TMEM178B: variants seen among roughly 807,000 people sequenced by gnomAD.
TMEM178B encodes the protein transmembrane protein 178B.
TMEM178B carries 5 observed loss-of-function variants against 31.0 expected under a neutral mutation model. The observed-to-expected ratio is 0.16, with a 90% CI of 0.08 to 0.34. The LOEUF (loss-of-function observed/expected upper bound fraction) is 0.34, where lower values mean the gene tolerates loss of function less well. Among genes scored for constraint, TMEM178B ranks in the 10% least tolerant of loss-of-function variants. The probability of loss-of-function intolerance (pLI) is 1.00; values close to 1 mark genes in which losing one functional copy is unlikely to be tolerated. For synonymous variants in TMEM178B, 164 were observed against 164.0 expected (o/e 1.00, Z 0.00); for missense variants, 275 against 400.3 (o/e 0.69, Z 2.67).
intron 2 of TMEM178B, among the ~76,000 whole-genome samples, chr7:141,429,485 A>G (rs575620127): frequency 6.6e-6 from 1 of 152,228 alleles, no homozygotes; most frequent in African/African-American, 2.4e-5. Context: ...GAATCTAAAA[A>G]GTTGATCACA....
intron 2 of TMEM178B, among the ~76,000 whole-genome samples, chr7:141,232,700 C>T (rs766079866): frequency 5.3e-5 from 8 of 152,212 alleles, no homozygotes; most frequent in Non-Finnish European, 1.0e-4. Context: ...AGCTTCCTTA[C>T]TTCCTCTTTC....
At chr7:141,426,909 C>T (rs1312009075) in intron 2 of TMEM178B, among the ~76,000 whole-genome samples, 1 of 151,972 alleles carries the variant, frequency 6.6e-6, no homozygotes, top group African/African-American at 2.4e-5. Flanking sequence ...AAACCAGTAG[C>T]ATTTCTATAC....
chr7:141,093,926 G>A (rs1015176966), intron 1 of TMEM178B, among the ~76,000 whole-genome samples: 1 of 152,000 alleles, frequency 6.6e-6, no homozygotes, highest in African/African-American at 2.4e-5. Flanking sequence ...AATTGGAGAC[G>A]GTGAGCAAAG....
chr7:141,279,470 CTG>C (rs910040020), intron 2 of TMEM178B, among the ~76,000 whole-genome samples: 1 of 152,174 alleles, frequency 6.6e-6, no homozygotes, highest in Non-Finnish European at 1.5e-5. Context: ...TTGGGAAACA[CTG>C]TGTGATTTTC....
chr7:141,242,470 TTGTG>T (rs1217101167), intron 2 of TMEM178B, among the ~76,000 whole-genome samples: 5 of 111,240 alleles, frequency 4.5e-5, no homozygotes, highest in Non-Finnish European at 8.5e-5. Flanking sequence ...TTTTCACACT[TTGTG>T]TGAGTGTGTG....
At chr7:141,217,276 AG>A (rs1177576650) in intron 2 of TMEM178B, among the ~76,000 whole-genome samples, 1 of 152,174 alleles carries the variant, frequency 6.6e-6, no homozygotes, top group Non-Finnish European at 1.5e-5. Flanking sequence ...TTGCCCTTTC[AG>A]CACAGGTGGG....
intron 2 of TMEM178B, among the ~76,000 whole-genome samples, chr7:141,371,659 A>C (rs1026297311): frequency 6.6e-6 from 1 of 152,216 alleles, no homozygotes; most frequent in Non-Finnish European, 1.5e-5. Context: ...TGAGAACAGA[A>C]TGCATGACAC....
At chr7:141,468,714 A>C (rs1212805624) in intron 3 of TMEM178B, among the ~76,000 whole-genome samples, 1 of 152,136 alleles carries the variant, frequency 6.6e-6, no homozygotes. Context: ...TCGAGGACAC[A>C]GACACACAAG....
the TMEM178B span, among the ~76,000 whole-genome samples, chr7:141,506,299 C>G: frequency 6.6e-6 from 1 of 152,222 alleles, no homozygotes; most frequent in Non-Finnish European, 1.5e-5. Flanking sequence ...TGCAAAGCAT[C>G]TGCATTATTT....
intron 3 of TMEM178B, among the ~76,000 whole-genome samples, chr7:141,447,051 T>C (rs879640348): frequency 5.9e-5 from 9 of 152,082 alleles, no homozygotes; most frequent in Non-Finnish European, 1.0e-4. Flanking sequence ...GTTTGCTCAA[T>C]AAATACTGAT....
At chr7:141,264,035 G>A (rs1798056928) in intron 2 of TMEM178B, among the ~76,000 whole-genome samples, 1 of 152,206 alleles carries the variant, frequency 6.6e-6, no homozygotes, top group Admixed American at 6.5e-5. Flanking sequence ...GCATCAACAT[G>A]ACAGTATACA....
intron 2 of TMEM178B, among the ~76,000 whole-genome samples, chr7:141,337,110 C>G (rs1400271919): frequency 1.9e-5 from 1 of 52,440 alleles, no homozygotes; most frequent in South Asian, 8.5e-4. Context: ...ATCATCACCA[C>G]CACCACCATC....
chr7:141,163,647 TG>T (rs1243670347), intron 1 of TMEM178B, among the ~76,000 whole-genome samples: 6 of 151,766 alleles, frequency 4.0e-5, no homozygotes, highest in Non-Finnish European at 8.8e-5. Context: ...GCCGAGTAGC[TG>T]GGATTACAGG....
Position 141,437,717 on chromosome 7 carries a change from C to T in TMEM178B, c.606C>T (p.Tyr202=), listed in dbSNP as rs753672263. The change falls in exon 3 of 4, where the codon TAC becomes TAT. Residue 202 remains tyrosine, a synonymous_variant. Transcript: ENST00000565468. Reference sequence around the variant, plus strand: ...GCTGGGACCGAGGCCTTATGCAGTACGTGGCAGGGCTGCTCTTCCTCATGG... The same window carrying T: ...GCTGGGACCGAGGCCTTATGCAGTATGTGGCAGGGCTGCTCTTCCTCATGG... ...GCCWDRGLMQ[Y]VAGLLFLMGG... 4.0e-5 allele frequency: 61 copies of T among 1,536,028 alleles called. No individual in the cohort carries two copies. The highest frequency in any genetic ancestry group is 2.6e-4 in the South Asian group (22 of 84,068).
chr7:141,253,141 G>A (rs1797862467), intron 2 of TMEM178B, among the ~76,000 whole-genome samples: 1 of 152,210 alleles, frequency 6.6e-6, no homozygotes, highest in African/African-American at 2.4e-5. Flanking sequence ...CAGGCTCTCA[G>A]GCACACACAA....
At chr7:141,096,656 G>A (rs991068266) in intron 1 of TMEM178B, among the ~76,000 whole-genome samples, 1 of 152,204 alleles carries the variant, frequency 6.6e-6, no homozygotes, top group African/African-American at 2.4e-5. Context: ...GCACTCTATA[G>A]TCTCTTCTGT....
At chr7:141,203,871 A>G (rs1257865662) in intron 1 of TMEM178B, among the ~76,000 whole-genome samples, 1 of 152,196 alleles carries the variant, frequency 6.6e-6, no homozygotes, top group Non-Finnish European at 1.5e-5. Context: ...GGATGGAGGA[A>G]ACACACGGAC....
At chr7:141,423,125 C>T (rs1391864687) in intron 2 of TMEM178B, among the ~76,000 whole-genome samples, 3 of 152,120 alleles carry the variant, frequency 2.0e-5, no homozygotes, top group Non-Finnish European at 2.9e-5. Flanking sequence ...CTGTAACCTC[C>T]GCCTTCCAGG....
intron 2 of TMEM178B, chr7:141,429,853 A>G (rs1048165152): frequency 5.3e-5 from 8 of 152,256 alleles, no homozygotes; most frequent in African/African-American, 1.9e-4. Context: ...ATATATAATT[A>G]CATTATGATG....
Sources: allele counts gnomAD v4.1 joint callset (sites outside exome capture counted in the v4.1 genomes callset), GRCh38; gene constraint gnomAD v4.1.1; transcripts MANE v1.5; gene names NCBI Gene and HGNC (gene_info 2026-07-23, HGNC 2026-07-21).